PXMP2: variants seen among roughly 807,000 people sequenced by gnomAD.
The protein encoded by PXMP2 is peroxisomal membrane protein 2.
In PXMP2, 13 loss-of-function variants were observed where a neutral mutation model predicts 20.2. The ratio of observed to expected loss-of-function variants is 0.64; its 90% CI spans 0.42 to 1.02. PXMP2 has a LOEUF of 1.02. Among genes scored for constraint, PXMP2 ranks in the 50% least tolerant of loss-of-function variants. The pLI, the probability that PXMP2 is intolerant of heterozygous loss-of-function variation, is 0.00. For synonymous variants in PXMP2, 113 were observed against 111.2 expected (o/e 1.02, Z -0.10); for missense variants, 284 against 251.8 (o/e 1.13, Z -0.87).
In PXMP2 at chr12:132,704,778, C is replaced by T. The variant is rs2043461539; in HGVS notation, c.*91C>T. ...AGCAGAACCAATCCAGTCAGGATGT[C>T]ACTGACTCTAAATCAGGTGATTCAA... On this transcript the variant is annotated 3_prime_UTR_variant, in exon 5 of 5. Coordinates refer to ENST00000317479, the MANE Select transcript of PXMP2 (RefSeq NM_018663.3). 8.2e-7 allele frequency: 1 copy of T among 1,216,336 alleles called. No individual in the cohort carries two copies. Among genetic ancestry groups the T allele is most frequent in the Non-Finnish European group, 1.2e-6 (1 of 824,260 alleles). The allele number at this position is 1,216,336 out of a possible 1,614,324, so 75.3% of individuals were successfully genotyped here.
chr12:132,699,048 C>T (rs1194934993), intron 3 of PXMP2, among the ~76,000 whole-genome samples: 2 of 152,174 alleles, frequency 1.3e-5, no homozygotes, highest in Admixed American at 6.5e-5. Flanking sequence ...TACTTCCCAT[C>T]ACCCAAGTAG....
intron 3 of PXMP2, among the ~76,000 whole-genome samples, chr12:132,697,697 C>G (rs112120183): frequency 1.3e-5 from 2 of 152,032 alleles, no homozygotes; most frequent in African/African-American, 4.8e-5. Context: ...TGAGCCACTG[C>G]GCCCAGCCGT....
intron 4 of PXMP2, among the ~76,000 whole-genome samples, chr12:132,704,399 G>A (rs1391062588): frequency 6.6e-6 from 1 of 152,146 alleles, no homozygotes; most frequent in African/African-American, 2.4e-5. Context: ...TGTAGCCTGT[G>A]AACACTGTAA....
chr12:132,696,100 T>C lies in PXMP2; in HGVS notation c.399+54T>C. 6.7e-7 allele frequency: 1 copy of C among 1,492,588 alleles called. No homozygotes were observed. The allele number at this position is 1,492,588 out of a possible 1,614,324, so 92.5% of individuals were successfully genotyped here. A position where few individuals can be genotyped will look rare whatever the true frequency, so the allele number is the denominator to read the frequency against. On this transcript the variant is annotated intron_variant, in intron 3 of 4. Coordinates refer to ENST00000317479, the MANE Select transcript of PXMP2 (RefSeq NM_018663.3). The surrounding 1 kb of genome is among the most constrained non-coding windows in gnomAD (Gnocchi z 4.4). ...GCTCTTCGTTTAGCACAGGGATTCT[T>C]CACCTGACATTCTCGGCAGAATTCA... is the stretch of plus-strand genomic sequence containing the variant.
In PXMP2 at chr12:132,704,644, C is replaced by T. The variant is rs775014331; in HGVS notation, c.545C>T (p.Ala182Val). Reference sequence around the variant, plus strand: ...TTCCGGGTGCTCTTCGCCAACCTGGCAGCTCTGTTCTGGTATGCCTACCTG... The same window carrying T: ...TTCCGGGTGCTCTTCGCCAACCTGGTAGCTCTGTTCTGGTATGCCTACCTG... ...LKFRVLFANL[A>V]ALFWYAYLAS... Residue 182 changes from alanine (A) to valine (V), a missense_variant, in exon 5 of 5, where the codon GCA becomes GTA. Transcript: ENST00000317479. 3 of 1,482,568 alleles carry T rather than the reference C, an allele frequency of 2.0e-6. No homozygotes were observed. The highest frequency in any genetic ancestry group is 1.8e-4 in the Middle Eastern group (1 of 5,572). 91.8% of individuals were successfully genotyped at this position (1,482,568 alleles called of 1,614,324 possible). A position where few individuals can be genotyped will look rare whatever the true frequency, so the allele number is the denominator to read the frequency against.
intron 2 of PXMP2, 124 bp from the exon 3 acceptor site, chr12:132,695,760 T>A: frequency 1.0e-6 from 1 of 1,004,874 alleles, no homozygotes. Flanking sequence ...TACAGACCTG[T>A]GTGGCCAATA....
intron 2 of PXMP2, among the ~76,000 whole-genome samples, chr12:132,694,136 T>TA (rs1198741476): frequency 8.2e-6 from 1 of 122,138 alleles, no homozygotes; most frequent in African/African-American, 3.3e-5. Flanking sequence ...TGAGCGCCCT[T>TA]GCCAGTTAGT....
At chr12:132,697,045 T>C (rs2043414195) in intron 3 of PXMP2, among the ~76,000 whole-genome samples, 1 of 151,812 alleles carries the variant, frequency 6.6e-6, no homozygotes, top group African/African-American at 2.4e-5. Flanking sequence ...CCCAGCACTT[T>C]GTGAGGCCAA....
At chr12:132,704,534 A>G (rs2043459619) in intron 4 of PXMP2, 85 bp from the exon 5 acceptor site, 2 of 1,130,336 alleles carry the variant, frequency 1.8e-6, no homozygotes, top group East Asian at 2.8e-5. Context: ...ACAAACGGGT[A>G]AACAAATGAA....
intron 1 of PXMP2, 39 bp from the exon 2 acceptor site, chr12:132,690,224 C>A: frequency 6.6e-7 from 1 of 1,523,934 alleles, no homozygotes; most frequent in Non-Finnish European, 9.1e-7. Context: ...CACCCTCCTG[C>A]TGGTCACTGC....
intron 4 of PXMP2, 137 bp downstream of exon 4, chr12:132,701,506 C>G (rs1362022115): frequency 8.1e-7 from 1 of 1,238,922 alleles, no homozygotes; most frequent in Non-Finnish European, 1.1e-6. Context: ...TTCCGCTAGA[C>G]TTAGTTTCAT....
At chr12:132,699,476 C>T (rs1161752490) in intron 3 of PXMP2, among the ~76,000 whole-genome samples, 2 of 150,350 alleles carry the variant, frequency 1.3e-5, no homozygotes, top group African/African-American at 4.9e-5. Context: ...TGAGTTGTTT[C>T]ACTTGGGATA....
chr12:132,700,694 T>C (rs917090448), intron 3 of PXMP2, among the ~76,000 whole-genome samples: 1 of 152,168 alleles, frequency 6.6e-6, no homozygotes, highest in Non-Finnish European at 1.5e-5. Flanking sequence ...TTGTCTGTTT[T>C]TGGTTTTGCT....
chr12:132,703,932 G>T (rs2043456248), intron 4 of PXMP2, among the ~76,000 whole-genome samples: 3 of 152,226 alleles, frequency 2.0e-5, no homozygotes, highest in African/African-American at 7.2e-5. Flanking sequence ...TGGGATGGAA[G>T]AGGGGAGAGC....
intron 3 of PXMP2, among the ~76,000 whole-genome samples, chr12:132,697,627 T>C (rs927809775): frequency 1.3e-5 from 2 of 152,000 alleles, no homozygotes; most frequent in Non-Finnish European, 2.9e-5. Context: ...AGGCTTGTCT[T>C]GAACTCCTGA....
chr12:132,687,723 C>A lies in PXMP2; in HGVS notation c.53C>A (p.Pro18Gln). The A allele has an allele frequency of 1.7e-6, 2 of 1,212,116 alleles. No individual in the cohort carries two copies. Among genetic ancestry groups the A allele is most frequent in the Non-Finnish European group, 2.1e-6 (2 of 973,490 alleles). 75.1% of individuals were successfully genotyped at this position (1,212,116 alleles called of 1,614,324 possible). Residue 18 changes from proline (P) to glutamine (Q), a missense_variant, in exon 1 of 5, where the codon CCG becomes CAG. By Grantham distance (76) the Pro-to-Gln change is moderately conservative (BLOSUM62 -1). Coordinates refer to ENST00000317479, the MANE Select transcript of PXMP2 (RefSeq NM_018663.3). ...LRAEAGLGALPRRALAQYLLF... is the reference protein window; with the variant it reads ...LRAEAGLGALQRRALAQYLLF... ...GCCGAAGCCGGGCTCGGGGCGCTGC[C>A]GCGGCGGGCGCTCGCCCAGTACCTG... is the stretch of plus-strand genomic sequence containing the variant.
At chr12:132,689,718 CACAA>C (rs1292333378) in intron 1 of PXMP2, among the ~76,000 whole-genome samples, 1 of 152,190 alleles carries the variant, frequency 6.6e-6, no homozygotes, top group Non-Finnish European at 1.5e-5. Context: ...ATTGTAGATT[CACAA>C]ACAGTTACAA....
chr12:132,695,756 C>A (rs2043406396), intron 2 of PXMP2, 128 bp from the exon 3 acceptor site: 2 of 973,574 alleles, frequency 2.1e-6, no homozygotes. Context: ...TCTGTACAGA[C>A]CTGTGTGGCC....
chr12:132,698,122 G>A (rs1173912804), intron 3 of PXMP2, among the ~76,000 whole-genome samples: 1 of 150,652 alleles, frequency 6.6e-6, no homozygotes, highest in African/African-American at 2.4e-5. Context: ...GCAATTCTCT[G>A]CCTCAGCCTC....
Sources: allele counts gnomAD v4.1 joint callset (sites outside exome capture counted in the v4.1 genomes callset), GRCh38; gene constraint gnomAD v4.1.1; non-coding constraint Gnocchi (gnomAD v3.1); transcripts MANE v1.5; gene names NCBI Gene and HGNC (gene_info 2026-07-23, HGNC 2026-07-21).